The following ARID4B variants were observed in gnomAD, a reference collection of about 807,000 sequenced individuals.
ARID4B encodes the protein AT-rich interactive domain-containing protein 4B.
Under a neutral mutation model 147.5 loss-of-function variants are expected in ARID4B, and 26 were observed. The ratio of observed to expected loss-of-function variants is 0.18; its 90% CI spans 0.13 to 0.24. ARID4B has a LOEUF of 0.24. Among genes scored for constraint, ARID4B ranks in the 10% least tolerant of loss-of-function variants. ARID4B has a pLI of 1.00. For synonymous variants in ARID4B, 512 were observed against 507.9 expected, an observed-to-expected ratio of 1.01 and a Z score of -0.11; for missense variants, 1,179 against 1,511.5, an observed-to-expected ratio of 0.78 and a Z score of 3.65.
intron 8 of ARID4B, among the ~76,000 whole-genome samples, chr1:235,236,833 A>AATACATATATATATATATATATAT (rs1553299957): frequency 3.0e-5 from 1 of 33,522 alleles, no homozygotes; most frequent in African/African-American, 1.5e-4. Flanking sequence ...TTTTATAAAA[A>AATACATATATATATATATATATAT]ATATATATAT....
intron 2 of ARID4B, among the ~76,000 whole-genome samples, chr1:235,308,492 C>T (rs1673746516): frequency 6.8e-6 from 1 of 147,064 alleles, no homozygotes; most frequent in Admixed American, 6.8e-5. Flanking sequence ...GTCTCCCTCT[C>T]CCTCTCTTTC....
At chr1:235,233,424 C>G (rs747332301) in intron 9 of ARID4B, among the ~76,000 whole-genome samples, 8 of 151,696 alleles carry the variant, frequency 5.3e-5, no homozygotes, top group Non-Finnish European at 8.8e-5. Flanking sequence ...AAGAGTGAGA[C>G]CCTCACCAAA....
chr1:235,320,138 C>A (rs1036913914), intron 2 of ARID4B, among the ~76,000 whole-genome samples: 37 of 144,286 alleles, frequency 2.6e-4, no homozygotes, highest in African/African-American at 7.3e-4. Context: ...AAAAAAAAAA[C>A]AAAAAATACA....
intron 2 of ARID4B, among the ~76,000 whole-genome samples, chr1:235,317,897 T>C (rs1408848567): frequency 6.6e-6 from 1 of 152,114 alleles, no homozygotes; most frequent in Non-Finnish European, 1.5e-5. Flanking sequence ...ATACATGAAG[T>C]TAAATACTCA....
intron 2 of ARID4B, among the ~76,000 whole-genome samples, chr1:235,281,566 C>G (rs1031833486): frequency 6.6e-6 from 1 of 151,836 alleles, no homozygotes; most frequent in Non-Finnish European, 1.5e-5. Context: ...AACAGCTGAG[C>G]GTGGTAGCCC....
At chr1:235,212,071 C>G (rs1666751294) in intron 17 of ARID4B, among the ~76,000 whole-genome samples, 1 of 152,000 alleles carries the variant, frequency 6.6e-6, no homozygotes, top group Non-Finnish European at 1.5e-5. Flanking sequence ...ATGGCAAAAC[C>G]CCATCTCTAC....
intron 19 of ARID4B, among the ~76,000 whole-genome samples, chr1:235,188,690 C>G (rs1218146531): frequency 6.6e-6 from 1 of 152,160 alleles, no homozygotes; most frequent in Non-Finnish European, 1.5e-5. Context: ...AAACCATTCT[C>G]TTACCACCCT....
chr1:235,189,556 G>A (rs1399094439), intron 19 of ARID4B, among the ~76,000 whole-genome samples: 1 of 151,934 alleles, frequency 6.6e-6, no homozygotes, highest in Non-Finnish European at 1.5e-5. Context: ...GCATATTAGA[G>A]TATATTACAG....
intron 7 of ARID4B, among the ~76,000 whole-genome samples, chr1:235,243,838 T>A (rs1309499987): frequency 6.6e-6 from 1 of 152,194 alleles, no homozygotes; most frequent in East Asian, 1.9e-4. Context: ...ACAGAACCTA[T>A]GTACGCTTAA....
At chr1:235,203,305 C>T (rs1666077997) in intron 17 of ARID4B, among the ~76,000 whole-genome samples, 1 of 152,142 alleles carries the variant, frequency 6.6e-6, no homozygotes, top group Non-Finnish European at 1.5e-5. Context: ...ACCAGATATA[C>T]TACCAAAATG....
At position 235,215,036 on chromosome 1, in the gene ARID4B, G is replaced by A. The variant is rs530871049; in HGVS notation, c.1584-1010C>T. 2.0e-5 allele frequency among the ~76,000 whole-genome samples: 3 copies of A among 151,558 alleles called. No individual in the cohort carries two copies. In the South Asian group the frequency reaches 6.3e-4, roughly 32 times the overall value. On this transcript the variant is annotated intron_variant, in intron 16 of 23. Coordinates refer to ENST00000264183, the MANE Select transcript of ARID4B (RefSeq NM_016374.6). Reference sequence around the variant, plus strand: ...TTTTTTGTATTTTTAGTAGTGACAGGGTTTCACCATGTTGGTCAGGCTGGT... The same window carrying A: ...TTTTTTGTATTTTTAGTAGTGACAGAGTTTCACCATGTTGGTCAGGCTGGT...
chr1:235,207,575 G>GT (rs1268996264), intron 17 of ARID4B, among the ~76,000 whole-genome samples: 1 of 152,166 alleles, frequency 6.6e-6, no homozygotes, highest in Non-Finnish European at 1.5e-5. Context: ...GGGTGAAGAG[G>GT]TAAGGGGTGG....
At chr1:235,205,862 G>C (rs951560873) in intron 17 of ARID4B, among the ~76,000 whole-genome samples, 1 of 152,142 alleles carries the variant, frequency 6.6e-6, no homozygotes, top group Admixed American at 6.6e-5. Context: ...AGAATAACAA[G>C]TGTTGACAAG....
At chr1:235,271,844 C>T (rs1207263838) in intron 2 of ARID4B, among the ~76,000 whole-genome samples, 2 of 151,016 alleles carry the variant, frequency 1.3e-5, no homozygotes, top group Admixed American at 6.6e-5. Context: ...CAGCTACTCA[C>T]GGGTTGAGTC....
chr1:235,228,402 C>T (rs1196395575), intron 11 of ARID4B: 1 of 149,566 alleles, frequency 6.7e-6, no homozygotes, highest in Non-Finnish European at 1.5e-5. Flanking sequence ...CTCAGGCCGT[C>T]CTCCCAACAC....
At chr1:235,184,332 G>C (rs191994932) in intron 19 of ARID4B, among the ~76,000 whole-genome samples, 11 of 151,716 alleles carry the variant, frequency 7.3e-5, no homozygotes, top group African/African-American at 2.4e-4. Context: ...TCAATCCTCA[G>C]AACAATGCTA....
chr1:235,315,837 G>A (rs994301346), intron 2 of ARID4B, among the ~76,000 whole-genome samples: 1 of 152,108 alleles, frequency 6.6e-6, no homozygotes, highest in Admixed American at 6.6e-5. Flanking sequence ...AATTGAATAT[G>A]CAAAAGGTAA....
chr1:235,191,227 T>C (rs1665081436), intron 19 of ARID4B, among the ~76,000 whole-genome samples: 2 of 150,448 alleles, frequency 1.3e-5, no homozygotes, highest in African/African-American at 4.9e-5. Flanking sequence ...TAACATCCAC[T>C]GCGAATGTGT....
chr1:235,216,325 A>G (rs1667074046), intron 16 of ARID4B, among the ~76,000 whole-genome samples: 2 of 148,478 alleles, frequency 1.3e-5, no homozygotes, highest in Admixed American at 1.3e-4. Flanking sequence ...ACACACACAC[A>G]CACACACATA....
Sources: gnomAD v4.1 joint callset for allele counts (sites outside exome capture counted in the v4.1 genomes callset) on GRCh38, gnomAD v4.1.1 for gene constraint, MANE v1.5 for transcripts, NCBI Gene and HGNC (gene_info 2026-07-23, HGNC 2026-07-21) for gene names.